The following XKR4 variants were observed in gnomAD, a reference collection of about 807,000 sequenced individuals.
The protein encoded by XKR4 is XK-related protein 4.
In XKR4, 12 loss-of-function variants were observed where a neutral mutation model predicts 53.9. That is an observed-to-expected ratio of 0.22 (90% CI 0.14 to 0.36). The LOEUF is 0.36. Ranked by LOEUF, XKR4 falls within the 10% of genes least tolerant of loss-of-function variation. The pLI, the probability that XKR4 is intolerant of heterozygous loss-of-function variation, is 1.00. For synonymous variants in XKR4, 354 were observed against 362.4 expected (o/e 0.98, Z 0.26); for missense variants, 799 against 859.5 (o/e 0.93, Z 0.88).
At chr8:55,340,680 G>A (rs931976995) in intron 1 of XKR4, among the ~76,000 whole-genome samples, 6 of 152,118 alleles carry the variant, frequency 3.9e-5, no homozygotes, top group South Asian at 2.1e-4. Flanking sequence ...ATCACTCCTC[G>A]GCATCAAGAC....
chr8:55,507,267 C>G (rs1345290730), intron 2 of XKR4, among the ~76,000 whole-genome samples: 2 of 152,128 alleles, frequency 1.3e-5, no homozygotes, highest in East Asian at 3.8e-4. Flanking sequence ...TTCTTTAATA[C>G]TATCAAAGCA....
intron 2 of XKR4, among the ~76,000 whole-genome samples, chr8:55,497,617 A>T (rs569365449): frequency 6.6e-6 from 1 of 152,336 alleles, no homozygotes; most frequent in African/African-American, 2.4e-5. Flanking sequence ...ATCATCCTTG[A>T]GTCTTCTTGT....
intron 1 of XKR4, among the ~76,000 whole-genome samples, chr8:55,302,505 T>G (rs564510045): frequency 2.9e-4 from 44 of 152,138 alleles, no homozygotes; most frequent in Admixed American, 5.9e-4. Flanking sequence ...ATATGAACTT[T>G]CAAGTAGTTT....
Position 55,524,498 on chromosome 8 carries a change from T to C in XKR4, c.*271T>C, listed in dbSNP as rs1806854133. On this transcript the variant is annotated 3_prime_UTR_variant, in exon 3 of 3. Transcript: ENST00000327381. ...CAAACTCCTCCTGCACGGTCTTGGG[T>C]GCACCCACCAGAGGGTACTACTATT... The C allele has an allele frequency of 2.1e-6, 1 of 483,086 alleles. No homozygotes were observed. The highest frequency in any genetic ancestry group is 2.9e-5 in the South Asian group (1 of 33,992). The allele number at this position is 483,086 out of a possible 1,614,324, so 29.9% of individuals were successfully genotyped here.
intron 1 of XKR4, among the ~76,000 whole-genome samples, chr8:55,112,759 C>CT (rs1346541691): frequency 6.6e-6 from 1 of 151,630 alleles, no homozygotes; most frequent in African/African-American, 2.4e-5. Context: ...TTTGTAAAGG[C>CT]TTTTTTTGTT....
chr8:55,454,209 T>G, intron 2 of XKR4: 1 of 1,059,118 alleles, frequency 9.4e-7, no homozygotes. Context: ...AAGGGTGGAA[T>G]GTGCACACAC....
Position 55,201,103 on chromosome 8 carries a change from A to T in XKR4, c.806+97809A>T, listed in dbSNP as rs1817572488. ...AGGATATGTATTGGCTCCAGCACAG[A>T]TAATTAAACAAATGTGAATTTAAAA... On this transcript the variant is annotated intron_variant, in intron 1 of 2. Transcript: ENST00000327381. Among the ~76,000 whole-genome samples, 3 of 152,348 alleles carry T rather than the reference A, an allele frequency of 2.0e-5. No homozygotes were observed. In the South Asian group the frequency reaches 6.2e-4, roughly 32 times the overall value.
chr8:55,207,652 G>GCA (rs1157404058), intron 1 of XKR4, among the ~76,000 whole-genome samples: 1 of 40,560 alleles, frequency 2.5e-5, no homozygotes. Context: ...ACACACACGC[G>GCA]CACACACACA....
At chr8:55,495,094 G>C (rs57550725) in intron 2 of XKR4, among the ~76,000 whole-genome samples, 1 of 152,128 alleles carries the variant, frequency 6.6e-6, no homozygotes, top group Admixed American at 6.5e-5. Context: ...AGTCCAGAGC[G>C]GGCTGAGGTA....
intron 1 of XKR4, among the ~76,000 whole-genome samples, chr8:55,291,647 C>G (rs1217810187): frequency 6.6e-6 from 1 of 152,056 alleles, no homozygotes; most frequent in African/African-American, 2.4e-5. Flanking sequence ...AGTCTCAGCT[C>G]CCTGGTGTTC....
chr8:55,398,919 C>G (rs1030658394), intron 2 of XKR4, among the ~76,000 whole-genome samples: 2 of 152,282 alleles, frequency 1.3e-5, no homozygotes, highest in East Asian at 3.9e-4. Flanking sequence ...GCATGTGGAG[C>G]TCTACAGATA....
intron 2 of XKR4, among the ~76,000 whole-genome samples, chr8:55,490,939 C>G (rs971483788): frequency 9.7e-4 from 148 of 151,936 alleles, no homozygotes; most frequent in Non-Finnish European, 1.9e-3. Flanking sequence ...TGCCCCCCCC[C>G]CACCTTTATG....
In XKR4 at chr8:55,533,638, C is replaced by CT. The variant is rs1238974888; in HGVS notation, c.*9413dup. 4 of 152,196 alleles carry CT rather than the reference C, an allele frequency of 2.6e-5. No homozygotes were observed. The highest frequency in any genetic ancestry group is 9.6e-5 in the African/African-American group (4 of 41,454). The allele number at this position is 152,196 out of a possible 1,614,324, so 9.4% of individuals were successfully genotyped here. ...GCCTATTGCTGATGCTATCGATTCC[C>CT]TTCTTTTTCTACAGAAACATCTTGG... On this transcript the variant is annotated 3_prime_UTR_variant, in exon 3 of 3. Coordinates refer to ENST00000327381, the MANE Select transcript of XKR4 (RefSeq NM_052898.2).
At chr8:55,470,632 C>A (rs1313649732) in intron 2 of XKR4, among the ~76,000 whole-genome samples, 1 of 152,076 alleles carries the variant, frequency 6.6e-6, no homozygotes, top group African/African-American at 2.4e-5. Context: ...ATATCAAAAT[C>A]AAATTTTTTA....
At position 55,151,104 on chromosome 8, in the gene XKR4, T is replaced by C. The variant is rs190036326; in HGVS notation, c.806+47810T>C. 2.0e-5 allele frequency among the ~76,000 whole-genome samples: 3 copies of C among 152,352 alleles called. No individual in the cohort carries two copies. In the East Asian group the frequency reaches 5.8e-4, roughly 29 times the overall value. On this transcript the variant is annotated intron_variant, in intron 1 of 2. Coordinates refer to ENST00000327381, the MANE Select transcript of XKR4 (RefSeq NM_052898.2). Reference sequence around the variant, plus strand: ...TTTTTGTCAGTGTAAGATTGTCTTTTATTTATCATCTCTCAAGCTATAGGT... The same window carrying C: ...TTTTTGTCAGTGTAAGATTGTCTTTCATTTATCATCTCTCAAGCTATAGGT...
chr8:55,287,145 C>A (rs1818918606), intron 1 of XKR4, among the ~76,000 whole-genome samples: 2 of 146,874 alleles, frequency 1.4e-5, no homozygotes, highest in African/African-American at 5.0e-5. Flanking sequence ...GGGGGGGAAC[C>A]TTCAATAATA....
chr8:55,191,135 A>T (rs1040629394), intron 1 of XKR4, among the ~76,000 whole-genome samples: 2 of 152,124 alleles, frequency 1.3e-5, no homozygotes, highest in Non-Finnish European at 2.9e-5. Context: ...AGGACTTCTG[A>T]GGGATCCTTC....
chr8:55,511,523 C>A (rs1005088559), intron 2 of XKR4, among the ~76,000 whole-genome samples: 1 of 152,036 alleles, frequency 6.6e-6, no homozygotes, highest in Non-Finnish European at 1.5e-5. Context: ...CATATAGGGA[C>A]CCTATATTAT....
At chr8:55,364,332 G>A (rs532185873) in intron 2 of XKR4, among the ~76,000 whole-genome samples, 2 of 152,156 alleles carry the variant, frequency 1.3e-5, no homozygotes, top group South Asian at 4.1e-4. Context: ...TTCCACCCCC[G>A]GGCCCACCGC....
Sources: gnomAD v4.1 joint callset for allele counts (sites outside exome capture counted in the v4.1 genomes callset) on GRCh38, gnomAD v4.1.1 for gene constraint, MANE v1.5 for transcripts, NCBI Gene and HGNC (gene_info 2026-07-23, HGNC 2026-07-21) for gene names.